The following PCNX2 variants were observed in gnomAD, a reference collection of about 807,000 sequenced individuals.
The protein encoded by PCNX2 is pecanex 2.
In PCNX2, 168 loss-of-function variants were observed where a neutral mutation model predicts 223.8. The observed-to-expected ratio is 0.75, with a 90% CI of 0.66 to 0.85. The LOEUF (loss-of-function observed/expected upper bound fraction) is 0.85, where lower values mean the gene tolerates loss of function less well. Among genes scored for constraint, PCNX2 ranks in the 40% least tolerant of loss-of-function variants. The pLI, the probability that PCNX2 is intolerant of heterozygous loss-of-function variation, is 0.00. For synonymous variants in PCNX2, 1,006 were observed against 1,052.6 expected, an observed-to-expected ratio of 0.96 and a Z score of 0.86; for missense variants, 2,507 against 2,675.5, an observed-to-expected ratio of 0.94 and a Z score of 1.39.
At chr1:233,210,304 T>A (rs1558347463) in intron 12 of PCNX2, among the ~76,000 whole-genome samples, 2 of 152,098 alleles carry the variant, frequency 1.3e-5, no homozygotes, top group African/African-American at 4.8e-5. Flanking sequence ...TGAGACCGAG[T>A]CTCACTCTGT....
At chr1:233,264,787 T>C (rs1333746211) in intron 1 of PCNX2, among the ~76,000 whole-genome samples, 1 of 152,152 alleles carries the variant, frequency 6.6e-6, no homozygotes, top group Non-Finnish European at 1.5e-5. Context: ...ATACTACTAA[T>C]ACGTTAAAAT....
At chr1:233,026,508 G>A (rs775651206) in intron 25 of PCNX2, among the ~76,000 whole-genome samples, 1 of 152,156 alleles carries the variant, frequency 6.6e-6, no homozygotes, top group African/African-American at 2.4e-5. Flanking sequence ...ACTGTCGAGG[G>A]AACAAGAGTG....
intron 21 of PCNX2, among the ~76,000 whole-genome samples, chr1:233,100,514 T>C (rs1674430187): frequency 6.6e-6 from 1 of 152,118 alleles, no homozygotes; most frequent in Non-Finnish European, 1.5e-5. Flanking sequence ...AAATGACCTA[T>C]TTTGGAAATA....
chr1:233,166,971 A>G (rs997396575), intron 17 of PCNX2, among the ~76,000 whole-genome samples: 1 of 152,064 alleles, frequency 6.6e-6, no homozygotes, highest in Non-Finnish European at 1.5e-5. Context: ...ATGGGAACCC[A>G]TCTCTATATT....
chr1:233,305,329 T>C, the PCNX2 span, among the ~76,000 whole-genome samples: 2 of 152,208 alleles, frequency 1.3e-5, no homozygotes, highest in African/African-American at 4.8e-5. Context: ...TGGAGTTATA[T>C]TGTTAGTTTT....
chr1:233,091,450 A>G (rs1673866762), intron 22 of PCNX2, among the ~76,000 whole-genome samples: 1 of 151,994 alleles, frequency 6.6e-6, no homozygotes, highest in African/African-American at 2.4e-5. Context: ...AAATTATGTG[A>G]TAAAGGGGTG....
chr1:233,281,539 C>G (rs976234206), intron 1 of PCNX2, among the ~76,000 whole-genome samples: 1 of 152,046 alleles, frequency 6.6e-6, no homozygotes, highest in African/African-American at 2.4e-5. Context: ...TTATTTTTGC[C>G]TGATTCAATG....
intron 12 of PCNX2, among the ~76,000 whole-genome samples, chr1:233,216,411 T>G (rs888377285): frequency 6.6e-6 from 1 of 152,172 alleles, no homozygotes; most frequent in East Asian, 1.9e-4. Context: ...TAACAATATA[T>G]GTGAAAATGT....
chr1:233,263,239 T>A, intron 1 of PCNX2, 76 bp from the exon 2 acceptor site: 1 of 1,260,802 alleles, frequency 7.9e-7, no homozygotes, highest in Non-Finnish European at 1.1e-6. Context: ...GAAGCATTTT[T>A]AGACTATCTA....
chr1:233,075,057 A>G (rs182873913), intron 23 of PCNX2, among the ~76,000 whole-genome samples: 1 of 152,332 alleles, frequency 6.6e-6, no homozygotes, highest in East Asian at 1.9e-4. Context: ...ATACTACATT[A>G]TGAGACAGCA....
intron 1 of PCNX2, among the ~76,000 whole-genome samples, chr1:233,284,280 G>C (rs1287507813): frequency 6.6e-6 from 1 of 152,162 alleles, no homozygotes; most frequent in Non-Finnish European, 1.5e-5. Context: ...GACACCTGTT[G>C]AAGTTTTCAG....
chr1:233,326,749 G>C, the PCNX2 span, among the ~76,000 whole-genome samples: 3 of 152,156 alleles, frequency 2.0e-5, no homozygotes, highest in African/African-American at 7.2e-5. Context: ...CCTACTACAG[G>C]ATAATCTAAT....
At chr1:233,089,446 T>C (rs2145788) in intron 23 of PCNX2, among the ~76,000 whole-genome samples, 95,561 of 152,056 alleles carry the variant, frequency 0.63, 30,523 homozygotes, top group African/African-American at 0.67. Flanking sequence ...TTTACGGTTA[T>C]TTGGTGAACC....
chr1:233,289,810 G>C (rs1388689838), intron 1 of PCNX2, among the ~76,000 whole-genome samples: 1 of 120,988 alleles, frequency 8.3e-6, no homozygotes, highest in African/African-American at 2.6e-5. Flanking sequence ...GAATGGCAAC[G>C]TGCCAAGCAG....
chr1:233,098,544 T>A (rs911594841), intron 21 of PCNX2, among the ~76,000 whole-genome samples: 3 of 152,106 alleles, frequency 2.0e-5, no homozygotes, highest in Non-Finnish European at 2.9e-5. Flanking sequence ...TTGTGAAGAA[T>A]AAAATACATG....
intron 1 of PCNX2, chr1:233,284,961 A>G: frequency 1.0e-6 from 1 of 985,114 alleles, no homozygotes; most frequent in Non-Finnish European, 1.2e-6. Context: ...CAAAATGAAG[A>G]CTCAAACAGT....
chr1:233,147,442 C>G (rs557993322), intron 19 of PCNX2, among the ~76,000 whole-genome samples: 12 of 152,036 alleles, frequency 7.9e-5, no homozygotes, highest in Non-Finnish European at 1.8e-4. Context: ...TCCTCATCAT[C>G]TTCACGTTGA....
At chr1:233,078,434 A>G (rs2102917174) in intron 23 of PCNX2, among the ~76,000 whole-genome samples, 1 of 152,374 alleles carries the variant, frequency 6.6e-6, no homozygotes, top group Admixed American at 6.5e-5. Flanking sequence ...TAAAAGCTGC[A>G]TATGTCCTGC....
chr1:233,303,636 T>A, the PCNX2 span, among the ~76,000 whole-genome samples: 30 of 110,772 alleles, frequency 2.7e-4, no homozygotes, highest in Non-Finnish European at 4.8e-4. Context: ...ATGCAGAATA[T>A]CTCCAGGAAT....
Sources: gnomAD v4.1 joint callset for allele counts (sites outside exome capture counted in the v4.1 genomes callset) on GRCh38, gnomAD v4.1.1 for gene constraint, MANE v1.5 for transcripts, NCBI Gene and HGNC (gene_info 2026-07-23, HGNC 2026-07-21) for gene names.